The following ANTXR1 variants were observed in gnomAD, a reference collection of about 807,000 sequenced individuals.
ANTXR1 encodes anthrax toxin receptor 1.
ANTXR1 carries 19 observed loss-of-function variants against 78.1 expected under a neutral mutation model. The observed-to-expected ratio is 0.24, with a 90% confidence interval of 0.17 to 0.36. The LOEUF (loss-of-function observed/expected upper bound fraction) is 0.36, where lower values mean the gene tolerates loss of function less well. ANTXR1 is among the 10% of genes least tolerant of loss of function. The probability of loss-of-function intolerance (pLI) is 1.00; values close to 1 mark genes in which losing one functional copy is unlikely to be tolerated. For synonymous variants in ANTXR1, 273 were observed against 260.5 expected, an observed-to-expected ratio of 1.05 and a Z score of -0.46; for missense variants, 518 against 718.6, an observed-to-expected ratio of 0.72 and a Z score of 3.19.
intron 9 of ANTXR1, among the ~76,000 whole-genome samples, chr2:69,101,264 C>T (rs568680497): frequency 1.3e-5 from 2 of 152,128 alleles, no homozygotes; most frequent in Non-Finnish European, 2.9e-5. Flanking sequence ...TAAAAAAAAT[C>T]ACAACTTCAA....
chr2:69,229,734 G>GT (rs562601103), intron 17 of ANTXR1, among the ~76,000 whole-genome samples: 5,798 of 139,272 alleles, frequency 0.042, 139 homozygotes, highest in Non-Finnish European at 0.063. Context: ...TGCCATGGTG[G>GT]TTTTTTTTTT....
chr2:69,182,978 A>AT (rs1573960742), intron 16 of ANTXR1: 1 of 259,494 alleles, frequency 3.9e-6, no homozygotes, highest in Admixed American at 6.2e-5. Context: ...AGTGTTCCAT[A>AT]TTAAAAAAAA....
chr2:69,168,699 T>A (rs1269415904), intron 13 of ANTXR1, among the ~76,000 whole-genome samples: 1 of 152,226 alleles, frequency 6.6e-6, no homozygotes, highest in Non-Finnish European at 1.5e-5. Flanking sequence ...AATTTACTGC[T>A]TCTGGGATGA....
At chr2:69,169,882 G>T (rs886823246) in intron 13 of ANTXR1, among the ~76,000 whole-genome samples, 9 of 152,214 alleles carry the variant, frequency 5.9e-5, no homozygotes, top group Non-Finnish European at 1.3e-4. Context: ...ATGTGTAGAC[G>T]ATTGGATAGA....
intron 8 of ANTXR1, among the ~76,000 whole-genome samples, chr2:69,079,160 T>C (rs1050337694): frequency 5.9e-5 from 9 of 152,210 alleles, no homozygotes; most frequent in Admixed American, 4.6e-4. Context: ...GTGGAAATTA[T>C]TGATAGCATA....
chr2:69,118,102 T>G (rs1042777220), intron 10 of ANTXR1, among the ~76,000 whole-genome samples: 1 of 152,126 alleles, frequency 6.6e-6, no homozygotes, highest in Non-Finnish European at 1.5e-5. Context: ...GAAATTTATA[T>G]TTCAAGATCA....
At chr2:69,080,560 T>C (rs1364913644) in intron 8 of ANTXR1, among the ~76,000 whole-genome samples, 1 of 152,196 alleles carries the variant, frequency 6.6e-6, no homozygotes, top group African/African-American at 2.4e-5. Flanking sequence ...TTATTGAAAA[T>C]CTTTTATGGC....
At chr2:69,038,589 A>AT (rs1172732580) in intron 1 of ANTXR1, among the ~76,000 whole-genome samples, 3 of 152,204 alleles carry the variant, frequency 2.0e-5, no homozygotes, top group Non-Finnish European at 4.4e-5. Flanking sequence ...TTATTTTCCC[A>AT]TTTTTTTAAA....
chr2:69,183,031 G>A (rs13388426), intron 16 of ANTXR1: 11,476 of 257,112 alleles, frequency 0.045, 1,384 homozygotes, highest in African/African-American at 0.25. Context: ...AGCATGGACT[G>A]TGAGTCAAGT....
At chr2:69,103,035 C>G (rs1463566384) in intron 10 of ANTXR1, 95 bp downstream of exon 10, 1 of 1,250,854 alleles carries the variant, frequency 8.0e-7, no homozygotes, top group Non-Finnish European at 1.2e-6. Context: ...ACACATGAAA[C>G]CAGCAGAAAA....
At chr2:69,054,623 A>T (rs1470805448) in intron 3 of ANTXR1, among the ~76,000 whole-genome samples, 4 of 152,154 alleles carry the variant, frequency 2.6e-5, no homozygotes, top group Non-Finnish European at 5.9e-5. Flanking sequence ...TCTCCTTCTC[A>T]GTCATCCTTT....
intron 6 of ANTXR1, among the ~76,000 whole-genome samples, chr2:69,074,956 T>G (rs1290007201): frequency 5.3e-5 from 8 of 152,238 alleles, no homozygotes; most frequent in Non-Finnish European, 4.4e-5. Context: ...GTATTATTCA[T>G]TATGTTGCCA....
chr2:69,070,807 C>A, intron 4 of ANTXR1, 79 bp downstream of exon 4: 3 of 1,360,214 alleles, frequency 2.2e-6, no homozygotes, highest in Non-Finnish European at 3.1e-6. Context: ...TGAGATAAGG[C>A]ACTTATATTA....
intron 10 of ANTXR1, among the ~76,000 whole-genome samples, chr2:69,121,975 C>T (rs762422293): frequency 2.0e-5 from 3 of 152,208 alleles, no homozygotes; most frequent in African/African-American, 7.2e-5. Flanking sequence ...CTCCAAGAGT[C>T]CCCGACTCTG....
At position 69,013,670 on chromosome 2, in the gene ANTXR1, C is replaced by T. The variant is rs954257178; in HGVS notation, c.152+19C>T. Reference sequence around the variant, plus strand: ...TGGACAAGTAAGTGCCGCGAGTTGTCCCCCCCACCCCAGGCTAAGCGGGCG... The same window carrying T: ...TGGACAAGTAAGTGCCGCGAGTTGTTCCCCCCACCCCAGGCTAAGCGGGCG... On this transcript the variant is annotated intron_variant, in intron 1 of 17. Coordinates refer to ENST00000303714, the MANE Select transcript of ANTXR1 (RefSeq NM_032208.3). The surrounding 1 kb of genome is among the most constrained non-coding windows in gnomAD (Gnocchi z 5.0). The T allele has an allele frequency of 6.5e-7, 1 of 1,547,288 alleles. No individual in the cohort carries two copies. The highest frequency in any genetic ancestry group is 8.7e-7 in the Non-Finnish European group (1 of 1,146,718).
chr2:69,155,382 A>G (rs1673495005), intron 13 of ANTXR1, among the ~76,000 whole-genome samples: 1 of 152,158 alleles, frequency 6.6e-6, no homozygotes, highest in Non-Finnish European at 1.5e-5. Context: ...CACTGGGCTT[A>G]TTCGCATTTT....
chr2:69,155,996 CTCT>C (rs1203501604), intron 13 of ANTXR1, among the ~76,000 whole-genome samples: 2 of 152,142 alleles, frequency 1.3e-5, no homozygotes, highest in African/African-American at 4.8e-5. Context: ...CCGATCTCCC[CTCT>C]GTCCCTATAC....
At chr2:69,108,024 A>G (rs1311208276) in intron 10 of ANTXR1, among the ~76,000 whole-genome samples, 1 of 152,234 alleles carries the variant, frequency 6.6e-6, no homozygotes, top group Non-Finnish European at 1.5e-5. Context: ...GCACTGTCCA[A>G]TAGAACTTTC....
At chr2:69,047,734 T>A (rs1669813190) in intron 3 of ANTXR1, among the ~76,000 whole-genome samples, 1 of 152,164 alleles carries the variant, frequency 6.6e-6, no homozygotes, top group Non-Finnish European at 1.5e-5. Context: ...CCTTCCAGTC[T>A]ACTTGGTTGC....
Sources: allele counts gnomAD v4.1 joint callset (sites outside exome capture counted in the v4.1 genomes callset), GRCh38; gene constraint gnomAD v4.1.1; non-coding constraint Gnocchi (gnomAD v3.1); transcripts MANE v1.5; gene names NCBI Gene and HGNC (gene_info 2026-07-23, HGNC 2026-07-21).